Variants in DCC observed in about 807,000 individuals in gnomAD.
DCC encodes the protein netrin receptor DCC.
In DCC, 58 loss-of-function variants were observed where a neutral mutation model predicts 172.5. The observed-to-expected ratio is 0.34, with a 90% CI of 0.27 to 0.42. DCC has a LOEUF of 0.42. Among genes scored for constraint, DCC ranks in the 10% least tolerant of loss-of-function variants. DCC has a pLI of 1.00. For missense variants in DCC, 1,740 were observed against 1,791.0 expected (o/e 0.97, Z 0.51); for synonymous variants, 709 against 644.5 (o/e 1.10, Z -1.52).
intron 1 of DCC, among the ~76,000 whole-genome samples, chr18:52,436,694 G>A (rs1297584217): frequency 2.0e-5 from 3 of 152,112 alleles, no homozygotes; most frequent in African/African-American, 7.2e-5. Flanking sequence ...GATCACCTGG[G>A]GCCAGGAGTT....
At chr18:53,309,962 G>GTATATATATATATATATATATATATA (rs5825007) in intron 13 of DCC, among the ~76,000 whole-genome samples, 2 of 133,308 alleles carry the variant, frequency 1.5e-5, no homozygotes, top group African/African-American at 5.8e-5. Flanking sequence ...ATATACGTGT[G>GTATATATATATATATATATATATATA]TGTATATATA....
intron 14 of DCC, among the ~76,000 whole-genome samples, chr18:53,324,723 AT>A (rs1234435275): frequency 1.3e-5 from 2 of 152,186 alleles, no homozygotes; most frequent in Non-Finnish European, 2.9e-5. Flanking sequence ...ATGTAAAAAA[AT>A]AGAAGAGTGG....
intron 12 of DCC, among the ~76,000 whole-genome samples, chr18:53,218,338 A>T (rs2055883722): frequency 6.6e-6 from 1 of 152,086 alleles, no homozygotes; most frequent in African/African-American, 2.4e-5. Flanking sequence ...CATAAAACTG[A>T]GGGGTTGTTA....
At chr18:53,396,014 C>T (rs539225816) in intron 17 of DCC, among the ~76,000 whole-genome samples, 1 of 151,970 alleles carries the variant, frequency 6.6e-6, no homozygotes, top group African/African-American at 2.4e-5. Context: ...AGGCAAATCA[C>T]CGAAATGTTA....
intron 7 of DCC, among the ~76,000 whole-genome samples, chr18:53,112,331 A>C (rs1568311863): frequency 6.6e-6 from 1 of 151,582 alleles, no homozygotes; most frequent in African/African-American, 2.4e-5. Flanking sequence ...TACTCTGCTA[A>C]GTACTTTTTA....
chr18:52,406,238 T>A (rs574304308), intron 1 of DCC, among the ~76,000 whole-genome samples: 40 of 150,566 alleles, frequency 2.7e-4, no homozygotes, highest in African/African-American at 7.8e-4. Context: ...AACCTAGGCA[T>A]TACCATTCAG....
chr18:53,159,073 G>A (rs1020525808), intron 8 of DCC, among the ~76,000 whole-genome samples: 1 of 151,338 alleles, frequency 6.6e-6, no homozygotes, highest in Non-Finnish European at 1.5e-5. Context: ...TGAAGAAACA[G>A]GCGTTCGTTT....
At chr18:52,545,780 A>G (rs1041913660) in intron 1 of DCC, among the ~76,000 whole-genome samples, 2 of 152,208 alleles carry the variant, frequency 1.3e-5, no homozygotes, top group Non-Finnish European at 2.9e-5. Context: ...ATGTGTTAGC[A>G]GTAGACTGGC....
At chr18:52,391,411 G>T (rs1986026242) in intron 1 of DCC, among the ~76,000 whole-genome samples, 1 of 152,060 alleles carries the variant, frequency 6.6e-6, no homozygotes, top group Non-Finnish European at 1.5e-5. Flanking sequence ...TTCTGGTTTT[G>T]CATCCTCTAA....
chr18:52,428,353 G>A (rs1239779983), intron 1 of DCC, among the ~76,000 whole-genome samples: 1 of 152,074 alleles, frequency 6.6e-6, no homozygotes, highest in Non-Finnish European at 1.5e-5. Flanking sequence ...TACAAGAAAA[G>A]TAGAAAGAAA....
intron 1 of DCC, among the ~76,000 whole-genome samples, chr18:52,347,168 A>G (rs1262848596): frequency 1.3e-5 from 2 of 152,200 alleles, no homozygotes; most frequent in African/African-American, 4.8e-5. Context: ...GGACTTGTCA[A>G]TACAACATTA....
intron 2 of DCC, among the ~76,000 whole-genome samples, chr18:52,819,545 TTGTA>T (rs748994438): frequency 3.0e-4 from 46 of 152,302 alleles, no homozygotes; most frequent in Admixed American, 7.8e-4. Context: ...TGGGACCACT[TTGTA>T]TGGTGCAGTT....
At chr18:52,367,637 G>T (rs1356290031) in intron 1 of DCC, among the ~76,000 whole-genome samples, 1 of 152,150 alleles carries the variant, frequency 6.6e-6, no homozygotes, top group South Asian at 2.1e-4. Flanking sequence ...ACTGATGATG[G>T]TGTTTGTGTT....
intron 12 of DCC, among the ~76,000 whole-genome samples, chr18:53,217,382 C>T (rs544282932): frequency 3.3e-5 from 5 of 151,820 alleles, no homozygotes; most frequent in African/African-American, 1.2e-4. Flanking sequence ...TTGCAGCAAG[C>T]AAATACAAAC....
At position 52,503,417 on chromosome 18, in the gene DCC, C is replaced by A. The variant is rs568173212; in HGVS notation, c.91+162539C>A. ...AAGTAGTCTATTTGTTGTGCTAAAT[C>A]TAAGCCCCTCCCTACTCAAAAATCC... is the stretch of plus-strand genomic sequence containing the variant. On this transcript the variant is annotated intron_variant, in intron 1 of 28. Coordinates refer to ENST00000442544, the MANE Select transcript of DCC (RefSeq NM_005215.4). Among the ~76,000 whole-genome samples, 6 of 152,282 alleles carry A rather than the reference C, an allele frequency of 3.9e-5. No individual in the cohort carries two copies. In the South Asian group the frequency reaches 1.2e-3, roughly 32 times the overall value.
chr18:52,784,853 T>A (rs1211209780), intron 2 of DCC, among the ~76,000 whole-genome samples: 1 of 143,526 alleles, frequency 7.0e-6, no homozygotes, highest in Non-Finnish European at 1.5e-5. Flanking sequence ...GGTTAAGAAG[T>A]AGAAAATTTA....
chr18:53,037,909 G>T (rs1175481294), intron 5 of DCC, among the ~76,000 whole-genome samples: 1 of 151,906 alleles, frequency 6.6e-6, no homozygotes, highest in African/African-American at 2.4e-5. Flanking sequence ...ACATTGGAAA[G>T]GGTAGGAAAT....
chr18:52,712,435 T>G (rs904238915), intron 1 of DCC, among the ~76,000 whole-genome samples: 3 of 152,208 alleles, frequency 2.0e-5, no homozygotes, highest in Non-Finnish European at 4.4e-5. Context: ...GCAATTTACA[T>G]GCATTAGCTA....
intron 3 of DCC, among the ~76,000 whole-genome samples, chr18:52,918,429 C>T (rs1358728681): frequency 2.0e-5 from 3 of 152,014 alleles, no homozygotes; most frequent in South Asian, 2.1e-4. Flanking sequence ...CTATTCTTAC[C>T]GAGCTTAGAG....
Sources: gnomAD v4.1 joint callset for allele counts (sites outside exome capture counted in the v4.1 genomes callset) on GRCh38, gnomAD v4.1.1 for gene constraint, MANE v1.5 for transcripts, NCBI Gene and HGNC (gene_info 2026-07-23, HGNC 2026-07-21) for gene names.